The following BDP1 variants were observed in gnomAD, a reference collection of about 807,000 sequenced individuals.
BDP1 encodes the protein transcription factor TFIIIB component B'' homolog.
BDP1 carries 169 observed loss-of-function variants against 266.6 expected under a neutral mutation model. That is an observed-to-expected ratio of 0.63 (90% CI 0.56 to 0.72). BDP1 has a LOEUF of 0.72. Ranked by LOEUF, BDP1 falls within the 30% of genes least tolerant of loss-of-function variation. BDP1 has a pLI of 0.00. For missense variants in BDP1, 3,015 were observed against 3,053.8 expected, an observed-to-expected ratio of 0.99 and a Z score of 0.30; for synonymous variants, 1,090 against 1,022.4, an observed-to-expected ratio of 1.07 and a Z score of -1.26.
In BDP1 at chr5:71,458,850, G is replaced by A; in HGVS notation, c.484G>A (p.Glu162Lys). Reference protein sequence around the residue: ...REMLKEELRKEKKQWKNKYAI... With the variant: ...REMLKEELRKKKKQWKNKYAI... ...AATGTTAAAAGAAGAATTGAGAAAAGAGAAGGTAAGGGAGGAGAATCAGGA... is the reference window on the plus strand; with the variant it reads ...AATGTTAAAAGAAGAATTGAGAAAAAAGAAGGTAAGGGAGGAGAATCAGGA... Residue 162 changes from glutamate to lysine, a missense_variant, in exon 2 of 39, where the codon GAG becomes AAG. By Grantham distance (56) the Glu-to-Lys change is moderately conservative. Transcript: ENST00000358731. 1 of 1,609,672 alleles carries A rather than the reference G, an allele frequency of 6.2e-7. No homozygotes were observed. The highest frequency in any genetic ancestry group is 8.5e-7 in the Non-Finnish European group (1 of 1,179,040).
downstream of BDP1, among the ~76,000 whole-genome samples, chr5:71,569,407 G>C (rs558913041): frequency 9.0e-4 from 136 of 151,016 alleles, 1 homozygote; most frequent in African/African-American, 3.2e-3. Context: ...AGGTATGATC[G>C]TGCCAGCCTG....
chr5:71,530,054 G>A (rs561416978), intron 25 of BDP1, among the ~76,000 whole-genome samples: 16 of 152,270 alleles, frequency 1.1e-4, no homozygotes, highest in South Asian at 1.0e-3. Context: ...TGGGTTAACT[G>A]TATGTTATGT....
At chr5:71,493,598 A>C (rs1210338269) in intron 11 of BDP1, among the ~76,000 whole-genome samples, 4 of 152,220 alleles carry the variant, frequency 2.6e-5, no homozygotes, top group Non-Finnish European at 5.9e-5. Flanking sequence ...TTGGAAAACA[A>C]AGAGTTGATT....
chr5:71,534,555 A>T (rs1162257734), intron 26 of BDP1, among the ~76,000 whole-genome samples: 2 of 151,956 alleles, frequency 1.3e-5, no homozygotes, highest in Non-Finnish European at 2.9e-5. Context: ...GATGGAGTGC[A>T]GTGGCATGAT....
Position 71,541,549 on chromosome 5 carries a change from C to T in BDP1, c.6118C>T (p.Gln2040Ter), listed in dbSNP as rs201602649. The part of the protein sequence containing the change: ...NVNHKIVHEC[Q>*]ELSSPVITTS... ...AAATCACAAAATTGTTCATGAATGT[C>T]AGGAACTTTCTTCACCTGTCATTAC... Residue 2040 changes from glutamine to a stop codon, truncating the protein, a stop_gained, in exon 29 of 39, where the codon CAG (glutamine) becomes TAG (stop). Transcript: ENST00000358731. LOFTEE classifies it high-confidence loss of function. 1.2e-6 allele frequency: 2 copies of T among 1,611,540 alleles called. No individual in the cohort carries two copies. Among genetic ancestry groups the T allele is most frequent in the Non-Finnish European group, 1.7e-6 (2 of 1,178,498 alleles).
chr5:71,456,777 C>T (rs1316582937), intron 1 of BDP1, among the ~76,000 whole-genome samples: 1 of 152,038 alleles, frequency 6.6e-6, no homozygotes, highest in Non-Finnish European at 1.5e-5. Flanking sequence ...AGAATAGTTG[C>T]CCGCAAAAAG....
chr5:71,511,051 A>G lies in BDP1; in HGVS notation c.3959A>G (p.Glu1320Gly). The stretch of plus-strand genomic sequence containing the variant: ...GGAAAAACAGACATTTCTCCAAGGG[A>G]AAACGAGCTAGAGGAGACCAGTACC... ...QTGKTDISPR[E>G]NELEETSTSR... The change falls in exon 17 of 39, where the codon GAA (glutamate) becomes GGA (glycine). Residue 1320 changes from glutamate to glycine, a missense_variant. Coordinates refer to ENST00000358731, the MANE Select transcript of BDP1 (RefSeq NM_018429.3). 1 of 1,614,140 alleles carries G rather than the reference A, an allele frequency of 6.2e-7. No homozygotes were observed. Among genetic ancestry groups the G allele is most frequent in the Non-Finnish European group, 8.5e-7 (1 of 1,180,014 alleles).
At chr5:71,547,832 C>T (rs183443815) in intron 32 of BDP1, among the ~76,000 whole-genome samples, 218 of 152,144 alleles carry the variant, frequency 1.4e-3, no homozygotes, top group African/African-American at 4.9e-3. Flanking sequence ...CCTGTAGTCC[C>T]AGCTACTCAG....
intron 37 of BDP1, among the ~76,000 whole-genome samples, chr5:71,561,435 G>GA (rs1743645042): frequency 6.6e-6 from 1 of 152,184 alleles, no homozygotes; most frequent in Non-Finnish European, 1.5e-5. Context: ...AACATCATGA[G>GA]AGTTTGGATT....
At position 71,561,405 on chromosome 5, in the gene BDP1, ATAAAT is replaced by A. The variant is rs57715212; in HGVS notation, c.7497-864_7497-860del. 9.3e-4 allele frequency among the ~76,000 whole-genome samples: 141 copies of A among 152,364 alleles called. 3 individuals are homozygous for A. The East Asian group carries it at 0.021, about 23-fold the overall frequency. ...AACAAGAGCGAAACTGTCTCAAAAA[ATAAAT>A]TAAAATAAAATAATAACATCATGAG... On this transcript the variant is annotated intron_variant, in intron 37 of 38. Transcript: ENST00000358731.
intron 1 of BDP1, among the ~76,000 whole-genome samples, chr5:71,458,201 A>T (rs1761314875): frequency 6.6e-6 from 1 of 152,218 alleles, no homozygotes; most frequent in East Asian, 1.9e-4. Context: ...GTGAATTAAA[A>T]TTTTTTTAAA....
In BDP1 at chr5:71,489,473, C is replaced by T. The variant is rs200323218; in HGVS notation, c.1283C>T (p.Thr428Met). 170 of 1,613,676 alleles carry T rather than the reference C, an allele frequency of 1.1e-4. No homozygotes were observed. The highest frequency in any genetic ancestry group is 1.3e-4 in the Non-Finnish European group (155 of 1,179,844). ...DESMSSRISD[T>M]ERSQKDAQTV... ...TCTATGAGTTCTAGAATTTCAGACA[C>T]GGAAAGATCTCAGAAGGATGCTCAG... The change falls in exon 10 of 39, where the codon ACG (threonine) becomes ATG (methionine). Residue 428 changes from threonine (T) to methionine (M), a missense_variant. Thr to Met is a moderately conservative substitution (Grantham distance 81). Around this residue, in one of 3 missense-constraint regions of BDP1, gnomAD observed 2,383 missense variants for 2,404.9 expected, o/e 0.99. Coordinates refer to ENST00000358731, the MANE Select transcript of BDP1 (RefSeq NM_018429.3).
intron 16 of BDP1, among the ~76,000 whole-genome samples, chr5:71,507,479 T>A (rs1440119546): frequency 6.6e-6 from 1 of 152,232 alleles, no homozygotes; most frequent in Non-Finnish European, 1.5e-5. Flanking sequence ...TATCTGTATC[T>A]TACAATCTGA....
At chr5:71,556,401 T>A (rs1743216973) in intron 35 of BDP1, among the ~76,000 whole-genome samples, 1 of 152,220 alleles carries the variant, frequency 6.6e-6, no homozygotes, top group African/African-American at 2.4e-5. Context: ...TGTGGGATGC[T>A]AGCTTCTAGA....
chr5:71,464,256 G>T, intron 4 of BDP1, 139 bp downstream of exon 4: 1 of 562,668 alleles, frequency 1.8e-6, no homozygotes, highest in Non-Finnish European at 3.1e-6. Context: ...AGCACTTTGC[G>T]AAGCCAAGAT....
chr5:71,480,516 T>G (rs1187357193), intron 7 of BDP1, among the ~76,000 whole-genome samples: 3 of 146,178 alleles, frequency 2.1e-5, no homozygotes, highest in Non-Finnish European at 3.0e-5. Context: ...GTGATCCACC[T>G]ATCTTGGCCT....
chr5:71,524,436 A>C (rs952662945), intron 25 of BDP1, 113 bp downstream of exon 25: 3 of 1,140,606 alleles, frequency 2.6e-6, no homozygotes, highest in African/African-American at 1.6e-5. Flanking sequence ...TGAAGAGTTC[A>C]TTCTCTAAAT....
At position 71,548,484 on chromosome 5, in the gene BDP1, A is replaced by G. The variant is rs187622431; in HGVS notation, c.6745-198A>G. ...ATAAAATGCACATATTTAACAATGT[A>G]GTCAGGATTCTTTGTATTAATATTT... On this transcript the variant is annotated intron_variant, in intron 32 of 38. Transcript: ENST00000358731. 3.0e-4 allele frequency among the ~76,000 whole-genome samples: 46 copies of G among 152,358 alleles called. No homozygotes were observed. The Middle Eastern group carries it at 0.01, about 34-fold the overall frequency.
chr5:71,572,527 C>T (rs761374427), downstream of BDP1, among the ~76,000 whole-genome samples: 16 of 152,156 alleles, frequency 1.1e-4, no homozygotes, highest in Non-Finnish European at 2.2e-4. Context: ...GTACTAGGAG[C>T]AGTGCTTTAA....
Sources: gnomAD v4.1 joint callset for allele counts (sites outside exome capture counted in the v4.1 genomes callset) on GRCh38, gnomAD v4.1.1 for gene constraint, gnomAD v4.1.1 regional missense constraint, MANE v1.5 for transcripts, NCBI Gene and HGNC (gene_info 2026-07-23, HGNC 2026-07-21) for gene names.